The following LIMS1 variants were observed in gnomAD, a reference collection of about 807,000 sequenced individuals.
The protein encoded by LIMS1 is LIM and senescent cell antigen-like-containing domain protein 1.
Under a neutral mutation model 44.1 loss-of-function variants are expected in LIMS1, and 18 were observed. The ratio of observed to expected loss-of-function variants is 0.41; its 90% confidence interval spans 0.28 to 0.61. The LOEUF (loss-of-function observed/expected upper bound fraction) is 0.61, where lower values mean the gene tolerates loss of function less well. Ranked by LOEUF, LIMS1 falls within the 20% of genes least tolerant of loss-of-function variation. The probability of loss-of-function intolerance (pLI) is 0.32; values close to 1 mark genes in which losing one functional copy is unlikely to be tolerated. For missense variants in LIMS1, 201 were observed against 422.0 expected (o/e 0.48, Z 4.59); for synonymous variants, 93 against 149.1 (o/e 0.62, Z 2.74).
intron 1 of LIMS1, among the ~76,000 whole-genome samples, chr2:108,557,657 C>T (rs1476414338): frequency 1.3e-5 from 2 of 152,058 alleles, no homozygotes; most frequent in African/African-American, 4.8e-5. Flanking sequence ...GCTGGGACTA[C>T]AGGTACGTGC....
chr2:108,566,994 A>T (rs1243620386), intron 1 of LIMS1, among the ~76,000 whole-genome samples: 3 of 152,182 alleles, frequency 2.0e-5, no homozygotes, highest in Non-Finnish European at 4.4e-5. Context: ...GCAGAACTGA[A>T]ACTCTATATC....
intron 1 of LIMS1, among the ~76,000 whole-genome samples, chr2:108,631,343 A>G (rs1688910044): frequency 6.6e-6 from 1 of 152,182 alleles, no homozygotes; most frequent in African/African-American, 2.4e-5. Flanking sequence ...CTACTTAGTA[A>G]TTGACTTCTG....
At chr2:108,623,956 T>C (rs1219814523) in intron 1 of LIMS1, among the ~76,000 whole-genome samples, 1 of 152,256 alleles carries the variant, frequency 6.6e-6, no homozygotes, top group East Asian at 1.9e-4. Flanking sequence ...GGCGTCAAAC[T>C]TGAAATTGTT....
rs1431135309 is a variant in LIMS1 at position 108,684,068 on chromosome 2, A to G, written c.*69A>G. 5 of 750,946 alleles carry G rather than the reference A, an allele frequency of 6.7e-6. No individual in the cohort carries two copies. In the East Asian group the frequency reaches 1.4e-4, roughly 20 times the overall value. The allele number at this position is 750,946 out of a possible 1,614,324, so 46.5% of individuals were successfully genotyped here. A position where few individuals can be genotyped will look rare whatever the true frequency, so the allele number is the denominator to read the frequency against. ...ACATTACTTGTCTTGATCTACCCAT[A>G]TTTAAAGCTATATCTCAAAGCAGTT... On this transcript the variant is annotated 3_prime_UTR_variant, in exon 10 of 10. Transcript: ENST00000544547.
At chr2:108,585,341 C>G (rs1686057904) in intron 1 of LIMS1, among the ~76,000 whole-genome samples, 1 of 151,972 alleles carries the variant, frequency 6.6e-6, no homozygotes, top group African/African-American at 2.4e-5. Flanking sequence ...GGGACTCCAT[C>G]TAGGAGGCTG....
At chr2:108,591,882 C>T (rs939319165) in intron 1 of LIMS1, among the ~76,000 whole-genome samples, 2 of 151,496 alleles carry the variant, frequency 1.3e-5, no homozygotes, top group African/African-American at 4.9e-5. Context: ...GCAACCTCCG[C>T]CTCCCAGGTT....
At chr2:108,673,230 A>G (rs1345914594) in intron 5 of LIMS1, 3 of 761,832 alleles carry the variant, frequency 3.9e-6, no homozygotes, top group Admixed American at 5.7e-5. Context: ...ACATTTTGCC[A>G]TGCTTGTGTG....
At chr2:108,587,473 C>T (rs1237736608) in intron 1 of LIMS1, among the ~76,000 whole-genome samples, 1 of 152,006 alleles carries the variant, frequency 6.6e-6, no homozygotes, top group Non-Finnish European at 1.5e-5. Flanking sequence ...ACTGAGATTA[C>T]AGGCAAGTGT....
At chr2:108,642,552 G>T (rs1191221799) in intron 1 of LIMS1, among the ~76,000 whole-genome samples, 3 of 151,676 alleles carry the variant, frequency 2.0e-5, no homozygotes, top group Non-Finnish European at 2.9e-5. Context: ...GTAGAGACGG[G>T]GTTTCACCGT....
chr2:108,566,448 T>C (rs72833158), intron 1 of LIMS1, among the ~76,000 whole-genome samples: 1,639 of 152,320 alleles, frequency 0.011, 16 homozygotes, highest in Non-Finnish European at 0.018. Flanking sequence ...ATGAGGAAAC[T>C]GATTCTCAGA....
intron 1 of LIMS1, among the ~76,000 whole-genome samples, chr2:108,645,088 C>T (rs1334244901): frequency 6.6e-6 from 1 of 152,096 alleles, no homozygotes; most frequent in African/African-American, 2.4e-5. Flanking sequence ...AGGATATTAT[C>T]TAGGAGAACT....
intron 1 of LIMS1, among the ~76,000 whole-genome samples, chr2:108,598,006 T>C (rs553411163): frequency 2.6e-5 from 4 of 152,006 alleles, no homozygotes; most frequent in African/African-American, 9.7e-5. Flanking sequence ...ATGCTATTTT[T>C]TTAAAGCCTT....
At chr2:108,601,981 T>C (rs1170857331) in intron 1 of LIMS1, among the ~76,000 whole-genome samples, 1 of 152,238 alleles carries the variant, frequency 6.6e-6, no homozygotes, top group Non-Finnish European at 1.5e-5. Context: ...ATTTTCTTTA[T>C]CAGTGTTTTA....
intron 7 of LIMS1, among the ~76,000 whole-genome samples, chr2:108,677,134 C>G (rs773892162): frequency 2.0e-5 from 3 of 152,190 alleles, no homozygotes; most frequent in Non-Finnish European, 4.4e-5. Context: ...GAGTCAATAT[C>G]CTCACAGCAT....
intron 1 of LIMS1, among the ~76,000 whole-genome samples, chr2:108,636,160 C>T (rs987105194): frequency 3.9e-5 from 6 of 152,176 alleles, no homozygotes; most frequent in Admixed American, 2.6e-4. Context: ...AAGGGAGGAG[C>T]CCTACTCCGT....
At chr2:108,540,272 C>T (rs1684275961) in intron 1 of LIMS1, among the ~76,000 whole-genome samples, 2 of 144,538 alleles carry the variant, frequency 1.4e-5, no homozygotes, top group South Asian at 2.2e-4. Context: ...GATCTCGGCT[C>T]ACTGCAGGCT....
intron 1 of LIMS1, among the ~76,000 whole-genome samples, chr2:108,551,013 C>T (rs2104587918): frequency 6.6e-6 from 1 of 151,736 alleles, no homozygotes; most frequent in South Asian, 2.1e-4. Flanking sequence ...CTTGTAGTCC[C>T]AGCTGATTGG....
Position 108,627,150 on chromosome 2 carries a change from T to G in LIMS1, c.33-32455T>G, listed in dbSNP as rs116425223. 5.0e-3 allele frequency among the ~76,000 whole-genome samples: 766 copies of G among 152,360 alleles called. 6 individuals are homozygous for G. Among genetic ancestry groups the G allele is most frequent in the African/African-American group, 0.017 (727 of 41,588 alleles). On this transcript the variant is annotated intron_variant, in intron 1 of 9. Coordinates refer to ENST00000544547, the Ensembl canonical transcript of LIMS1. ...GAGCAACAGGCTATACCACGTAGCCTAGGCATGTAATAGGCTGTACTGTCT... is the reference window on the plus strand; with the variant it reads ...GAGCAACAGGCTATACCACGTAGCCGAGGCATGTAATAGGCTGTACTGTCT...
chr2:108,588,232 G>A lies in LIMS1; in HGVS notation c.32+53638G>A, dbSNP rs1447230180. 16 of 537,252 alleles carry A rather than the reference G, an allele frequency of 3.0e-5. No homozygotes were observed. The East Asian group carries it at 4.4e-4, about 15-fold the overall frequency. 33.3% of individuals were successfully genotyped at this position (537,252 alleles called of 1,614,324 possible). A position where few individuals can be genotyped will look rare whatever the true frequency, so the allele number is the denominator to read the frequency against. ...ATTGCTTCAGAACAGTGGGGTTATC[G>A]TGTAACACACCATGTCACATGATTT... On this transcript the variant is annotated intron_variant, in intron 1 of 9. Transcript: ENST00000544547.
Sources: allele counts gnomAD v4.1 joint callset (sites outside exome capture counted in the v4.1 genomes callset), GRCh38; gene constraint gnomAD v4.1.1; transcripts MANE v1.5; gene names NCBI Gene and HGNC (gene_info 2026-07-23, HGNC 2026-07-21).